UNC13C: variants seen among roughly 807,000 people sequenced by gnomAD.
UNC13C encodes unc-13 homolog C.
UNC13C carries 174 observed loss-of-function variants against 245.4 expected under a neutral mutation model. The ratio of observed to expected loss-of-function variants is 0.71; its 90% CI spans 0.63 to 0.80. The LOEUF (loss-of-function observed/expected upper bound fraction) is 0.80. Ranked by LOEUF, UNC13C falls within the 30% of genes least tolerant of loss-of-function variation. The probability of loss-of-function intolerance (pLI) is 0.00; values close to 1 mark genes in which losing one functional copy is unlikely to be tolerated. For missense variants in UNC13C, 2,829 were observed against 2,602.9 expected (o/e 1.09, Z -1.89); for synonymous variants, 992 against 895.1 (o/e 1.11, Z -1.93).
the UNC13C span, among the ~76,000 whole-genome samples, chr15:53,939,133 A>T: frequency 6.6e-6 from 1 of 152,104 alleles, no homozygotes; most frequent in African/African-American, 2.4e-5. Flanking sequence ...AATCAAACAG[A>T]TACAATCAGA....
intron 19 of UNC13C, among the ~76,000 whole-genome samples, chr15:54,483,829 C>T (rs1206488762): frequency 6.6e-6 from 1 of 152,164 alleles, no homozygotes; most frequent in Non-Finnish European, 1.5e-5. Flanking sequence ...TTGTGAGAAA[C>T]ACTCTCCCTA....
At chr15:54,482,522 G>A (rs1893177653) in intron 19 of UNC13C, among the ~76,000 whole-genome samples, 1 of 148,902 alleles carries the variant, frequency 6.7e-6, no homozygotes. Context: ...ACAATGGGAG[G>A]TTCCTCCTGA....
At chr15:54,061,936 A>T (rs1772006866) in intron 2 of UNC13C, among the ~76,000 whole-genome samples, 1 of 152,244 alleles carries the variant, frequency 6.6e-6, no homozygotes, top group African/African-American at 2.4e-5. Context: ...GAATTTGGGC[A>T]GCCCGTATCA....
chr15:54,443,465 C>T (rs1350103763), intron 19 of UNC13C, among the ~76,000 whole-genome samples: 1 of 151,788 alleles, frequency 6.6e-6, no homozygotes, highest in African/African-American at 2.4e-5. Context: ...TTTCTTCTTG[C>T]TTTTCTTGTT....
chr15:53,985,422 TATGTATACATGTGCTACTATGTATAC>T (rs1209709084), intron 1 of UNC13C, among the ~76,000 whole-genome samples: 1 of 151,938 alleles, frequency 6.6e-6, no homozygotes, highest in Non-Finnish European at 1.5e-5. Context: ...GTTTGTTACA[TATGTATACATGTGCTACTATGTATAC>T]ATGTATACAT....
intron 14 of UNC13C, among the ~76,000 whole-genome samples, chr15:54,325,133 A>G (rs753572465): frequency 2.0e-5 from 3 of 152,052 alleles, no homozygotes; most frequent in Non-Finnish European, 4.4e-5. Flanking sequence ...TAAATATGAT[A>G]CAGTCATTAA....
At chr15:53,976,479 T>TTTTTTTTTTTTTTC (rs1893708061), upstream of UNC13C, among the ~76,000 whole-genome samples, 1 of 97,658 alleles carries the variant, frequency 1.0e-5, no homozygotes, top group Non-Finnish European at 2.0e-5. Context: ...CTCTCTCTCT[T>TTTTTTTTTTTTTTC]TTTTTTTTTT....
chr15:53,879,296 G>A, the UNC13C span, among the ~76,000 whole-genome samples: 1 of 151,958 alleles, frequency 6.6e-6, no homozygotes, highest in Non-Finnish European at 1.5e-5. Context: ...TGAGTAGCTG[G>A]GACTACAGGC....
intron 30 of UNC13C, among the ~76,000 whole-genome samples, chr15:54,618,242 G>T (rs1294458548): frequency 6.6e-6 from 1 of 152,076 alleles, no homozygotes; most frequent in African/African-American, 2.4e-5. Context: ...AGCAGACAAT[G>T]AGCTCTTTGA....
the UNC13C span, among the ~76,000 whole-genome samples, chr15:53,958,944 T>G: frequency 6.6e-6 from 1 of 152,150 alleles, no homozygotes; most frequent in Non-Finnish European, 1.5e-5. Context: ...CTCTTCCTAC[T>G]TCCACCCTGC....
chr15:54,505,977 T>C (rs1406961626), intron 22 of UNC13C, among the ~76,000 whole-genome samples: 1 of 152,138 alleles, frequency 6.6e-6, no homozygotes, highest in African/African-American at 2.4e-5. Context: ...ACTTCAAGAA[T>C]TATCGTAAAG....
intron 30 of UNC13C, among the ~76,000 whole-genome samples, chr15:54,617,066 C>A (rs1900486778): frequency 6.6e-6 from 1 of 152,018 alleles, no homozygotes; most frequent in Admixed American, 6.6e-5. Context: ...ATAGGCTATA[C>A]CACCTAGGTT....
At chr15:54,255,374 G>A (rs929956737) in intron 8 of UNC13C, among the ~76,000 whole-genome samples, 3 of 152,152 alleles carry the variant, frequency 2.0e-5, no homozygotes, top group African/African-American at 7.2e-5. Context: ...CTGGAGTCAG[G>A]CCGCTTGGAG....
At chr15:54,445,407 C>G (rs1890753591) in intron 19 of UNC13C, among the ~76,000 whole-genome samples, 1 of 152,140 alleles carries the variant, frequency 6.6e-6, no homozygotes, top group Admixed American at 6.5e-5. Context: ...AACTAGTTTA[C>G]AGTCCCACCA....
intron 18 of UNC13C, among the ~76,000 whole-genome samples, chr15:54,400,276 G>A (rs1223603639): frequency 6.6e-6 from 1 of 151,674 alleles, no homozygotes; most frequent in African/African-American, 2.4e-5. Context: ...TTTTTACATT[G>A]GTTTGTTTCA....
At chr15:53,876,970 C>CT in the UNC13C span, among the ~76,000 whole-genome samples, 1 of 152,118 alleles carries the variant, frequency 6.6e-6, no homozygotes, top group Non-Finnish European at 1.5e-5. Context: ...TTCTGTATGT[C>CT]TGACTATGGA....
chr15:54,478,368 G>T lies in UNC13C; in HGVS notation c.4934-16240G>T, dbSNP rs572903853. ...CTTCTGCTAGCTTTTGAATTTGTTT[G>T]TTCTTGCTTTTCTAGTCCTTTTAAT... On this transcript the variant is annotated intron_variant, in intron 19 of 32. Transcript: ENST00000260323. Among the ~76,000 whole-genome samples, 96 of 119,654 alleles carry T rather than the reference G, an allele frequency of 8.0e-4. 20 individuals carry two copies. Among genetic ancestry groups the T allele is most frequent in the African/African-American group, 3.0e-3 (93 of 31,128 alleles). 78.5% of individuals were successfully genotyped at this position (119,654 alleles called of 152,430 possible).
chr15:54,266,239 G>C (rs1015322462), intron 10 of UNC13C, among the ~76,000 whole-genome samples: 1 of 151,942 alleles, frequency 6.6e-6, no homozygotes, highest in Non-Finnish European at 1.5e-5. Context: ...GCAATATTGT[G>C]TAAGAAGTAG....
intron 19 of UNC13C, among the ~76,000 whole-genome samples, chr15:54,426,454 T>G (rs775010931): frequency 6.6e-6 from 1 of 150,552 alleles, no homozygotes; most frequent in African/African-American, 2.4e-5. Flanking sequence ...GGTGCCTTGC[T>G]TTATCAAAGT....
Sources: allele counts gnomAD v4.1 joint callset (sites outside exome capture counted in the v4.1 genomes callset), GRCh38; gene constraint gnomAD v4.1.1; transcripts MANE v1.5; gene names NCBI Gene and HGNC (gene_info 2026-07-23, HGNC 2026-07-21).